ADAMTSL1: variants seen among roughly 807,000 people sequenced by gnomAD.
ADAMTSL1 encodes ADAMTS like 1.
In ADAMTSL1, 126 loss-of-function variants were observed where a neutral mutation model predicts 201.8. The observed-to-expected ratio is 0.62, with a 90% CI of 0.54 to 0.72. ADAMTSL1 has a LOEUF of 0.72. Among genes scored for constraint, ADAMTSL1 ranks in the 30% least tolerant of loss-of-function variants. The probability of loss-of-function intolerance (pLI) is 0.00; values close to 1 mark genes in which losing one functional copy is unlikely to be tolerated. For missense variants in ADAMTSL1, 2,679 were observed against 2,277.8 expected (o/e 1.18, Z -3.59); for synonymous variants, 1,121 against 903.4 (o/e 1.24, Z -4.32).
chr9:18,815,260 T>C (rs1438340758), intron 20 of ADAMTSL1, among the ~76,000 whole-genome samples: 5 of 151,984 alleles, frequency 3.3e-5, no homozygotes, highest in Admixed American at 2.6e-4. Context: ...TGCACTCCAA[T>C]ATTTACTGCA....
chr9:18,585,200 T>C (rs1823403849), intron 4 of ADAMTSL1, among the ~76,000 whole-genome samples: 1 of 152,204 alleles, frequency 6.6e-6, no homozygotes. Flanking sequence ...TATATTAACA[T>C]TGTTTTCCAT....
At chr9:18,323,893 G>A (rs1254840900) in intron 2 of ADAMTSL1, among the ~76,000 whole-genome samples, 1 of 152,158 alleles carries the variant, frequency 6.6e-6, no homozygotes, top group Non-Finnish European at 1.5e-5. Flanking sequence ...TGTTAAAGAT[G>A]CCAACTCTCC....
intron 1 of ADAMTSL1, among the ~76,000 whole-genome samples, chr9:18,083,237 T>C (rs1478074210): frequency 1.3e-5 from 2 of 152,178 alleles, no homozygotes; most frequent in Non-Finnish European, 2.9e-5. Flanking sequence ...GACCTACAAG[T>C]ATTGGAAAGA....
chr9:18,721,670 G>C lies in ADAMTSL1; in HGVS notation c.2006+5G>C. The stretch of plus-strand genomic sequence containing the variant: ...TTTGGATCCCTGCCCAGCAAGGTAA[G>C]GGATGTGTGGCCTGCCCTGCTGTCC... On this transcript the variant is annotated splice_donor_5th_base_variant and intron_variant, in intron 15 of 28. Transcript: ENST00000380548. 1.9e-6 allele frequency: 3 copies of C among 1,613,652 alleles called. No homozygotes were observed. The South Asian group carries it at 3.3e-5, about 18-fold the overall frequency.
At chr9:18,167,371 T>A (rs1827680620) in intron 2 of ADAMTSL1, among the ~76,000 whole-genome samples, 1 of 151,372 alleles carries the variant, frequency 6.6e-6, no homozygotes, top group Non-Finnish European at 1.5e-5. Flanking sequence ...AATTGAGGGG[T>A]TGAGTGTTCC....
At chr9:18,530,555 A>G (rs1415525689) in intron 2 of ADAMTSL1, among the ~76,000 whole-genome samples, 1 of 152,084 alleles carries the variant, frequency 6.6e-6, no homozygotes. Context: ...CGAAAACCAG[A>G]ACTGTTTGAA....
intron 1 of ADAMTSL1, among the ~76,000 whole-genome samples, chr9:17,998,247 A>G (rs1279205162): frequency 6.6e-6 from 1 of 152,088 alleles, no homozygotes; most frequent in East Asian, 1.9e-4. Flanking sequence ...TCCTTTATTA[A>G]TGGAAACCAA....
At chr9:18,614,443 A>G (rs1476427024) in intron 4 of ADAMTSL1, among the ~76,000 whole-genome samples, 1 of 152,154 alleles carries the variant, frequency 6.6e-6, no homozygotes, top group Non-Finnish European at 1.5e-5. Context: ...TTTCTGTTTC[A>G]GGTTTATTTT....
chr9:18,708,933 T>A (rs1444598710), intron 14 of ADAMTSL1, among the ~76,000 whole-genome samples: 3 of 152,200 alleles, frequency 2.0e-5, no homozygotes, highest in African/African-American at 7.2e-5. Context: ...TGTATTTAAT[T>A]TAAAATGTTT....
rs541785420 is a variant in ADAMTSL1, at chr9:18,405,829, T to C, written c.208-99000T>C. ...AATTAATGTAATCTTGTGGGTATTCTTCTTCACCTGACCATTTCATGGCCC... is the reference window on the plus strand; with the variant it reads ...AATTAATGTAATCTTGTGGGTATTCCTCTTCACCTGACCATTTCATGGCCC... On this transcript the variant is annotated intron_variant, in intron 2 of 29. Coordinates refer to the ADAMTSL1 transcript ENST00000680146. Among the ~76,000 whole-genome samples the C allele has an allele frequency of 3.3e-4, 50 of 152,338 alleles. 1 individual carries two copies. Among genetic ancestry groups the C allele is most frequent in the African/African-American group, 1.1e-3 (46 of 41,582 alleles).
intron 26 of ADAMTSL1, among the ~76,000 whole-genome samples, chr9:18,902,037 G>A (rs753659497): frequency 6.6e-6 from 1 of 152,182 alleles, no homozygotes; most frequent in African/African-American, 2.4e-5. Flanking sequence ...ACTATACAGT[G>A]ATAAAAGGGT....
chr9:18,028,266 T>C (rs1820786003), intron 1 of ADAMTSL1, among the ~76,000 whole-genome samples: 1 of 152,110 alleles, frequency 6.6e-6, no homozygotes, highest in South Asian at 2.1e-4. Context: ...TGTACTTAAG[T>C]GTGTTTTTGA....
At chr9:17,991,598 T>G (rs541111375) in intron 1 of ADAMTSL1, among the ~76,000 whole-genome samples, 1 of 152,272 alleles carries the variant, frequency 6.6e-6, no homozygotes, top group Non-Finnish European at 1.5e-5. Flanking sequence ...GGATGGCCCC[T>G]GTTTGAATAA....
rs1291254482 is a variant in ADAMTSL1, at chr9:17,923,603, GA to G, written c.87+16683del. Among the ~76,000 whole-genome samples the G allele has an allele frequency of 4.2e-4, 60 of 142,082 alleles. No homozygotes were observed. The East Asian group carries it at 0.012, about 29-fold the overall frequency. 93.2% of individuals were successfully genotyped at this position (142,082 alleles called of 152,430 possible). On this transcript the variant is annotated intron_variant, in intron 1 of 29. Coordinates refer to the ADAMTSL1 transcript ENST00000680146. ...AATTTGACTTCCTCTTTTCCTAATT[GA>G]ATACCCTTTATTTCCTTCTCCTGCC...
chr9:18,491,939 G>T (rs1439085406), intron 1 of ADAMTSL1, among the ~76,000 whole-genome samples: 2 of 152,030 alleles, frequency 1.3e-5, no homozygotes, highest in African/African-American at 4.8e-5. Flanking sequence ...ATCTACTCTG[G>T]ACAAGATTTT....
chr9:17,970,726 T>C (rs1313956809), intron 1 of ADAMTSL1, among the ~76,000 whole-genome samples: 1 of 152,044 alleles, frequency 6.6e-6, no homozygotes, highest in Non-Finnish European at 1.5e-5. Flanking sequence ...ACCCCTTAAA[T>C]TGGATTAGGC....
At chr9:18,776,146 G>A (rs1820973923) in intron 18 of ADAMTSL1, among the ~76,000 whole-genome samples, 1 of 152,138 alleles carries the variant, frequency 6.6e-6, no homozygotes, top group African/African-American at 2.4e-5. Flanking sequence ...TTCACTTGCT[G>A]GCATACAGAG....
rs1837592478 is a variant in ADAMTSL1, at chr9:18,382,318, G to T, written c.208-122511G>T. 2.0e-5 allele frequency among the ~76,000 whole-genome samples: 3 copies of T among 152,142 alleles called. No homozygotes were observed. In the South Asian group the frequency reaches 6.2e-4, roughly 32 times the overall value. On this transcript the variant is annotated intron_variant, in intron 2 of 29. Coordinates refer to the ADAMTSL1 transcript ENST00000680146. ...AACTCTAGGAATGGTTATATTACTA[G>T]TTGCCAAGCATATTGCCACATCTCA...
intron 1 of ADAMTSL1, among the ~76,000 whole-genome samples, chr9:18,059,185 C>A (rs909464583): frequency 2.0e-5 from 3 of 152,116 alleles, no homozygotes; most frequent in African/African-American, 7.2e-5. Context: ...TGAAATGTGG[C>A]CCTCATCACA....
Sources: allele counts gnomAD v4.1 joint callset (sites outside exome capture counted in the v4.1 genomes callset), GRCh38; gene constraint gnomAD v4.1.1; transcripts MANE v1.5; gene names NCBI Gene and HGNC (gene_info 2026-07-23, HGNC 2026-07-21).